Variants in MAGI1 observed in about 807,000 individuals in gnomAD.
MAGI1 encodes membrane associated guanylate kinase, WW and PDZ domain containing 1, also known as membrane-associated guanylate kinase, WW and PDZ domain-containing protein 1.
Under a neutral mutation model 139.9 loss-of-function variants are expected in MAGI1, and 58 were observed. The observed-to-expected ratio is 0.41, with a 90% CI of 0.34 to 0.52. The LOEUF is 0.52. Among genes scored for constraint, MAGI1 ranks in the 20% least tolerant of loss-of-function variants. The pLI is 0.12. For synonymous variants in MAGI1, 812 were observed against 737.9 expected (o/e 1.10, Z -1.63); for missense variants, 1,874 against 1,901.6 (o/e 0.99, Z 0.27).
chr3:65,610,825 A>ATATACAGTATT (rs1483682533), intron 2 of MAGI1, among the ~76,000 whole-genome samples: 1 of 140,212 alleles, frequency 7.1e-6, no homozygotes, highest in Admixed American at 7.3e-5. Flanking sequence ...TATATAGTAT[A>ATATACAGTATT]TATACAGTAG....
chr3:65,671,063 T>C (rs1182985033), intron 1 of MAGI1, among the ~76,000 whole-genome samples: 2 of 152,212 alleles, frequency 1.3e-5, no homozygotes, highest in African/African-American at 2.4e-5. Flanking sequence ...GAATCAGCCA[T>C]GCAATTCTTC....
intron 1 of MAGI1, among the ~76,000 whole-genome samples, chr3:65,967,415 C>T (rs1576297196): frequency 6.6e-6 from 1 of 152,136 alleles, no homozygotes; most frequent in African/African-American, 2.4e-5. Flanking sequence ...AAAGGTTACG[C>T]CAATAATGTC....
At chr3:65,812,468 T>TCTCTCA in intron 1 of MAGI1, among the ~76,000 whole-genome samples, 1 of 89,168 alleles carries the variant, frequency 1.1e-5, no homozygotes, top group African/African-American at 3.2e-5. Flanking sequence ...TCTCTCTCTC[T>TCTCTCA]CACACACACA....
intron 2 of MAGI1, among the ~76,000 whole-genome samples, chr3:65,542,216 T>C (rs981931544): frequency 1.4e-4 from 22 of 152,154 alleles, no homozygotes; most frequent in Admixed American, 1.1e-3. Flanking sequence ...TTACAAGGGA[T>C]GTGAAGGAAC....
intron 9 of MAGI1, among the ~76,000 whole-genome samples, chr3:65,439,597 G>T (rs1215917963): frequency 6.6e-6 from 1 of 152,110 alleles, no homozygotes; most frequent in East Asian, 1.9e-4. Flanking sequence ...AATACTGCGG[G>T]GGCAAGAAAT....
chr3:65,684,359 T>C (rs915861525), intron 1 of MAGI1, among the ~76,000 whole-genome samples: 2 of 152,178 alleles, frequency 1.3e-5, no homozygotes, highest in Non-Finnish European at 2.9e-5. Context: ...GATGCCAAGA[T>C]GTCCTTCAAC....
chr3:65,845,932 T>C (rs1211330435), intron 1 of MAGI1, among the ~76,000 whole-genome samples: 1 of 152,210 alleles, frequency 6.6e-6, no homozygotes, highest in Admixed American at 6.5e-5. Context: ...TCAGATTCTT[T>C]TGTCCTTTTC....
intron 1 of MAGI1, among the ~76,000 whole-genome samples, chr3:65,846,976 C>CAAAAAAAAAAAAAAAAAAAAAA (rs58391331): frequency 1.4e-4 from 11 of 80,970 alleles, no homozygotes; most frequent in African/African-American, 4.4e-4. Flanking sequence ...CAATGTCTTA[C>CAAAAAAAAAAAAAAAAAAAAAA]AAAAAAAAAA....
intron 1 of MAGI1, among the ~76,000 whole-genome samples, chr3:65,792,886 G>T (rs538614919): frequency 2.0e-5 from 3 of 152,142 alleles, no homozygotes; most frequent in African/African-American, 7.2e-5. Context: ...TGGCGCGGGG[G>T]AGGGCAGGCG....
At chr3:65,408,679 T>A (rs1373178028) in intron 12 of MAGI1, among the ~76,000 whole-genome samples, 1 of 152,204 alleles carries the variant, frequency 6.6e-6, no homozygotes, top group Non-Finnish European at 1.5e-5. Flanking sequence ...CTTTGTTTAA[T>A]AGAGAATATA....
intron 1 of MAGI1, among the ~76,000 whole-genome samples, chr3:65,905,525 A>G (rs770396278): frequency 4.0e-5 from 6 of 151,090 alleles, no homozygotes; most frequent in Non-Finnish European, 8.8e-5. Context: ...TTATTTTTTT[A>G]GAGACAGGGT....
intron 1 of MAGI1, among the ~76,000 whole-genome samples, chr3:65,657,805 T>G (rs992921784): frequency 6.6e-6 from 1 of 152,154 alleles, no homozygotes; most frequent in Non-Finnish European, 1.5e-5. Context: ...CCCAGTGAAG[T>G]GATAGCATGA....
At chr3:65,585,604 T>C (rs1025338440) in intron 2 of MAGI1, among the ~76,000 whole-genome samples, 8 of 152,212 alleles carry the variant, frequency 5.3e-5, no homozygotes, top group South Asian at 2.1e-4. Context: ...TGGAAAAAGC[T>C]TGACAGTTTC....
At chr3:66,032,529 CT>C (rs2068675131) in intron 1 of MAGI1, among the ~76,000 whole-genome samples, 1 of 151,444 alleles carries the variant, frequency 6.6e-6, no homozygotes, top group African/African-American at 2.4e-5. Context: ...CCTGCTGGGT[CT>C]TTTTTAGACA....
At chr3:65,992,717 C>A (rs569404517) in intron 1 of MAGI1, among the ~76,000 whole-genome samples, 2 of 152,284 alleles carry the variant, frequency 1.3e-5, no homozygotes, top group Admixed American at 1.3e-4. Flanking sequence ...ACCCTCAATA[C>A]CACCAACGCC....
chr3:65,575,376 A>G (rs1275399044), intron 2 of MAGI1, among the ~76,000 whole-genome samples: 3 of 152,146 alleles, frequency 2.0e-5, no homozygotes, highest in African/African-American at 7.2e-5. Flanking sequence ...GACTGACCAA[A>G]GCAAGTATTG....
At chr3:65,579,847 C>CAG (rs568480323) in intron 2 of MAGI1, among the ~76,000 whole-genome samples, 4 of 122,926 alleles carry the variant, frequency 3.3e-5, no homozygotes, top group African/African-American at 1.3e-4. Context: ...AACTCCATCT[C>CAG]AAAAAAAAAA....
intron 2 of MAGI1, among the ~76,000 whole-genome samples, chr3:65,571,935 C>T (rs940199838): frequency 2.6e-5 from 4 of 151,986 alleles, no homozygotes; most frequent in African/African-American, 9.7e-5. Context: ...CAAATATACC[C>T]AACCTCATAA....
At chr3:65,873,447 T>C (rs893934410) in intron 1 of MAGI1, 2 of 152,246 alleles carry the variant, frequency 1.3e-5, no homozygotes, top group Non-Finnish European at 2.9e-5. Context: ...CTGATGCTTT[T>C]TACTTGGTAC....
Sources: gnomAD v4.1 joint callset for allele counts (sites outside exome capture counted in the v4.1 genomes callset) on GRCh38, gnomAD v4.1.1 for gene constraint, MANE v1.5 for transcripts, NCBI Gene and HGNC (gene_info 2026-07-23, HGNC 2026-07-21) for gene names.